The following KCNH5 variants were observed in gnomAD, a reference collection of about 807,000 sequenced individuals.
KCNH5 encodes voltage-gated delayed rectifier potassium channel KCNH5.
In KCNH5, 46 loss-of-function variants were observed where a neutral mutation model predicts 96.1. That is an observed-to-expected ratio of 0.48 (90% confidence interval 0.38 to 0.61). KCNH5 has a LOEUF of 0.61. Among genes scored for constraint, KCNH5 ranks in the 20% least tolerant of loss-of-function variants. The probability of loss-of-function intolerance (pLI) is 0.00; values close to 1 mark genes in which losing one functional copy is unlikely to be tolerated. For missense variants in KCNH5, 907 were observed against 1,225.8 expected, an observed-to-expected ratio of 0.74 and a Z score of 3.88; for synonymous variants, 439 against 449.8, an observed-to-expected ratio of 0.98 and a Z score of 0.30.
At chr14:62,720,231 G>A (rs774058224) in intron 10 of KCNH5, among the ~76,000 whole-genome samples, 2 of 152,150 alleles carry the variant, frequency 1.3e-5, no homozygotes, top group Non-Finnish European at 2.9e-5. Context: ...TAAACAGGAG[G>A]AGAATGCTGG....
chr14:62,790,986 C>T (rs1886422451), intron 9 of KCNH5, among the ~76,000 whole-genome samples: 1 of 151,388 alleles, frequency 6.6e-6, no homozygotes, highest in Admixed American at 6.6e-5. Flanking sequence ...GTCTGATTGC[C>T]TTTGCTAGTA....
At chr14:63,032,154 G>A (rs559642782) in intron 1 of KCNH5, among the ~76,000 whole-genome samples, 3 of 151,072 alleles carry the variant, frequency 2.0e-5, no homozygotes, top group Non-Finnish European at 2.9e-5. Context: ...GATCCAGGAC[G>A]GCATGTGAAG....
intron 7 of KCNH5, among the ~76,000 whole-genome samples, chr14:62,943,474 T>G (rs539201622): frequency 1.3e-5 from 2 of 152,142 alleles, no homozygotes; most frequent in Non-Finnish European, 2.9e-5. Context: ...AATAATAAGA[T>G]TATGTAAATA....
At chr14:62,836,924 A>G (rs956767421) in intron 8 of KCNH5, among the ~76,000 whole-genome samples, 2 of 152,164 alleles carry the variant, frequency 1.3e-5, no homozygotes, top group African/African-American at 2.4e-5. Flanking sequence ...CCTAAAAATC[A>G]GAATCAAACT....
chr14:62,702,888 A>G lies in KCNH5; in HGVS notation c.*4620T>C, dbSNP rs998052666. 6.6e-6 allele frequency: 1 copy of G among 151,972 alleles called. No individual in the cohort carries two copies. Among genetic ancestry groups the G allele is most frequent in the Non-Finnish European group, 1.5e-5 (1 of 67,862 alleles). 9.4% of individuals were successfully genotyped at this position (151,972 alleles called of 1,614,324 possible). Reference sequence around the variant, plus strand: ...AGAGTGTCTGCCCATGTGGAATCATATATCTTGAACAGGTCATGATTATTT... The same window carrying G: ...AGAGTGTCTGCCCATGTGGAATCATGTATCTTGAACAGGTCATGATTATTT... On this transcript the variant is annotated 3_prime_UTR_variant, in exon 11 of 11. Transcript: ENST00000322893.
chr14:62,959,172 A>G (rs369845904), intron 6 of KCNH5, among the ~76,000 whole-genome samples: 1 of 152,090 alleles, frequency 6.6e-6, no homozygotes, highest in South Asian at 2.1e-4. Context: ...GGTAAATAGC[A>G]TAATAATTCC....
intron 8 of KCNH5, among the ~76,000 whole-genome samples, chr14:62,819,289 A>C (rs1887066552): frequency 1.3e-5 from 2 of 152,202 alleles, no homozygotes; most frequent in African/African-American, 4.8e-5. Flanking sequence ...TAGATATAAA[A>C]ATATAAAGTA....
At chr14:62,985,856 T>C (rs1408087106) in intron 5 of KCNH5, among the ~76,000 whole-genome samples, 1 of 152,182 alleles carries the variant, frequency 6.6e-6, no homozygotes, top group African/African-American at 2.4e-5. Context: ...TCAAACTTTG[T>C]ATGCCCCAAA....
intron 9 of KCNH5, among the ~76,000 whole-genome samples, chr14:62,788,677 A>G (rs375006782): frequency 6.6e-6 from 1 of 152,138 alleles, no homozygotes; most frequent in African/African-American, 2.4e-5. Context: ...ACCCTTCAGC[A>G]ACCACCAATC....
chr14:62,951,885 C>T (rs1329992166), intron 6 of KCNH5, among the ~76,000 whole-genome samples: 1 of 149,494 alleles, frequency 6.7e-6, no homozygotes, highest in African/African-American at 2.5e-5. Context: ...ATTGCTTGAA[C>T]CTGGGAGACG....
chr14:62,722,748 A>G (rs955542330), intron 10 of KCNH5, among the ~76,000 whole-genome samples: 1 of 152,196 alleles, frequency 6.6e-6, no homozygotes, highest in African/African-American at 2.4e-5. Flanking sequence ...AAGCTCTTCC[A>G]TGTTACCTCA....
chr14:62,821,147 G>A (rs1887106564), intron 8 of KCNH5, among the ~76,000 whole-genome samples: 1 of 151,240 alleles, frequency 6.6e-6, no homozygotes, highest in South Asian at 2.1e-4. Flanking sequence ...AGCGGGCAAA[G>A]GACATGAAAA....
chr14:62,829,772 G>A lies in KCNH5; in HGVS notation c.1569+19881C>T, dbSNP rs182707703. Among the ~76,000 whole-genome samples the A allele has an allele frequency of 3.9e-5, 6 of 152,184 alleles. No individual in the cohort carries two copies. In the East Asian group the frequency reaches 9.7e-4, roughly 25 times the overall value. Reference sequence around the variant, plus strand: ...CCCATTGTCTTGGCTATTAACATTCGGTTTCTCTTTACTTATGCAAATGTA... The same window carrying A: ...CCCATTGTCTTGGCTATTAACATTCAGTTTCTCTTTACTTATGCAAATGTA... On this transcript the variant is annotated intron_variant, in intron 8 of 10. Coordinates refer to ENST00000322893, the MANE Select transcript of KCNH5 (RefSeq NM_139318.5).
chr14:63,003,509 ATATATTT>A (rs1891055757), intron 3 of KCNH5, among the ~76,000 whole-genome samples: 19 of 119,188 alleles, frequency 1.6e-4, no homozygotes, highest in African/African-American at 5.2e-4. Context: ...TATATTTTAT[ATATATTT>A]TATATATTTT....
intron 7 of KCNH5, among the ~76,000 whole-genome samples, chr14:62,877,504 A>C (rs111659934): frequency 0.05 from 7,592 of 152,238 alleles, 626 homozygotes; most frequent in African/African-American, 0.17. Flanking sequence ...ACAAGAAAAA[A>C]ACAAACAACC....
At chr14:62,812,902 T>C (rs766592026) in intron 8 of KCNH5, among the ~76,000 whole-genome samples, 7 of 152,158 alleles carry the variant, frequency 4.6e-5, no homozygotes, top group African/African-American at 7.2e-5. Flanking sequence ...ATGAAATACA[T>C]ATTTTAAAAC....
chr14:63,022,651 A>G (rs1891450555), intron 1 of KCNH5, among the ~76,000 whole-genome samples: 1 of 151,842 alleles, frequency 6.6e-6, no homozygotes, highest in Non-Finnish European at 1.5e-5. Flanking sequence ...GACTTTTCTT[A>G]TATTCTTGTA....
chr14:62,962,012 GAGATGGAGATGC>G (rs1351528410), intron 6 of KCNH5, among the ~76,000 whole-genome samples: 2 of 151,172 alleles, frequency 1.3e-5, no homozygotes, highest in Non-Finnish European at 2.9e-5. Context: ...GATGCAGATG[GAGATGGAGATGC>G]AGATGCAGAT....
At chr14:62,921,606 T>A (rs1032099626) in intron 7 of KCNH5, among the ~76,000 whole-genome samples, 3 of 151,748 alleles carry the variant, frequency 2.0e-5, no homozygotes, top group African/African-American at 7.3e-5. Flanking sequence ...TAGCCATAAA[T>A]GACCCAGGAA....
Sources: gnomAD v4.1 joint callset for allele counts (sites outside exome capture counted in the v4.1 genomes callset) on GRCh38, gnomAD v4.1.1 for gene constraint, MANE v1.5 for transcripts, NCBI Gene and HGNC (gene_info 2026-07-23, HGNC 2026-07-21) for gene names.